MS4A12: variants seen among roughly 807,000 people sequenced by gnomAD.
MS4A12 encodes membrane-spanning 4-domains subfamily A member 12.
Under a neutral mutation model 23.7 loss-of-function variants are expected in MS4A12, and 28 were observed. The ratio of observed to expected loss-of-function variants is 1.18; its 90% CI spans 0.88 to 1.62. The LOEUF (loss-of-function observed/expected upper bound fraction) is 1.62. MS4A12 is among the 40% of genes most tolerant of loss of function. The pLI, the probability that MS4A12 is intolerant of heterozygous loss-of-function variation, is 0.00. For missense variants in MS4A12, 342 were observed against 327.0 expected (o/e 1.05, Z -0.35); for synonymous variants, 108 against 110.1 (o/e 0.98, Z 0.12).
intron 3 of MS4A12, 50 bp downstream of exon 3, chr11:60,501,232 C>A: frequency 6.6e-7 from 1 of 1,519,154 alleles, no homozygotes; most frequent in Non-Finnish European, 8.8e-7. Flanking sequence ...AAAGTATTCC[C>A]TCTTGGTTTA....
intron 4 of MS4A12, 80 bp downstream of exon 4, chr11:60,502,119 T>C (rs1225374040): frequency 7.0e-7 from 1 of 1,421,390 alleles, no homozygotes; most frequent in Non-Finnish European, 9.8e-7. Context: ...AAAAGCTGGA[T>C]TTGGGAAATG....
chr11:60,505,653 G>A (rs1180812783), intron 5 of MS4A12, among the ~76,000 whole-genome samples: 2 of 152,044 alleles, frequency 1.3e-5, no homozygotes, highest in Admixed American at 6.5e-5. Flanking sequence ...GGAAAGAAGG[G>A]AAGCCAAAAA....
chr11:60,506,482 A>C (rs2086570445), intron 5 of MS4A12, among the ~76,000 whole-genome samples: 1 of 152,344 alleles, frequency 6.6e-6, no homozygotes, highest in South Asian at 2.1e-4. Context: ...AAGGAAAAAA[A>C]CTACCTTCTT....
intron 2 of MS4A12, chr11:60,497,838 A>G (rs1327811810): frequency 4.2e-6 from 2 of 471,096 alleles, no homozygotes; most frequent in African/African-American, 3.9e-5. Flanking sequence ...TTGACGTGAC[A>G]GAAGCACTGT....
rs917088183 is a variant in MS4A12 at position 60,492,824 on chromosome 11, A to G, written c.-11A>G. ...GAGGAAACATAGAGGTGCCAAAGGAACAAAGTAAGTCCATTGATACGTTCT... is the reference window on the plus strand; with the variant it reads ...GAGGAAACATAGAGGTGCCAAAGGAGCAAAGTAAGTCCATTGATACGTTCT... On this transcript the variant is annotated 5_prime_UTR_variant, in exon 1 of 7. Transcript: ENST00000016913. 6.6e-6 allele frequency: 1 copy of G among 152,248 alleles called. No homozygotes were observed. The highest frequency in any genetic ancestry group is 1.9e-4 in the East Asian group (1 of 5,206). 9.4% of individuals were successfully genotyped at this position (152,248 alleles called of 1,614,324 possible).
At chr11:60,500,960 A>T in intron 2 of MS4A12, 85 bp from the exon 3 acceptor site, 1 of 1,449,786 alleles carries the variant, frequency 6.9e-7, no homozygotes, top group Non-Finnish European at 9.3e-7. Context: ...AATTGACAAT[A>T]AATAAGCAGG....
intron 5 of MS4A12, among the ~76,000 whole-genome samples, chr11:60,506,331 G>C (rs2086569398): frequency 6.6e-6 from 1 of 151,976 alleles, no homozygotes; most frequent in Admixed American, 6.6e-5. Context: ...TGTACACAGA[G>C]AGCTAGGATA....
chr11:60,495,157 TA>T (rs1333017445), intron 1 of MS4A12, among the ~76,000 whole-genome samples: 1 of 97,806 alleles, frequency 1.0e-5, no homozygotes, highest in African/African-American at 4.1e-5. Flanking sequence ...TACACCCGGC[TA>T]ATTTTTTTTT....
chr11:60,506,946 C>A, intron 6 of MS4A12, 74 bp from the exon 7 acceptor site: 1 of 1,523,234 alleles, frequency 6.6e-7, no homozygotes, highest in Non-Finnish European at 9.1e-7. Context: ...CTTTGTCCTT[C>A]ACTCTGATGG....
chr11:60,502,016 T>A lies in MS4A12; in HGVS notation c.448T>A (p.Ser150Thr). 1 of 1,613,174 alleles carries A rather than the reference T, an allele frequency of 6.2e-7. No homozygotes were observed. Among genetic ancestry groups the A allele is most frequent in the South Asian group, 1.1e-5 (1 of 91,048 alleles). ...IISGSLSVSA[S>T]KELSRCLVKG... ...CTCTGGCTCTCTCTCTGTGTCAGCATCCAAGGAGCTTTCCCGTTGTCTGGT... is the reference window on the plus strand; with the variant it reads ...CTCTGGCTCTCTCTCTGTGTCAGCAACCAAGGAGCTTTCCCGTTGTCTGGT... Residue 150 changes from serine (S) to threonine (T), a missense_variant, in exon 4 of 7, where the codon TCC (serine) becomes ACC (threonine). Coordinates refer to ENST00000016913, the MANE Select transcript of MS4A12 (RefSeq NM_017716.3).
At chr11:60,499,744 G>T (rs1029900232) in intron 2 of MS4A12, among the ~76,000 whole-genome samples, 1 of 152,134 alleles carries the variant, frequency 6.6e-6, no homozygotes, top group African/African-American at 2.4e-5. Flanking sequence ...TGTATTTGCA[G>T]TCTCCCTGGA....
intron 2 of MS4A12, among the ~76,000 whole-genome samples, chr11:60,498,687 A>T (rs2135229260): frequency 6.6e-6 from 1 of 152,352 alleles, no homozygotes; most frequent in South Asian, 2.1e-4. Flanking sequence ...AATGATATAG[A>T]CAAAACAAAG....
rs928053801 is a variant in MS4A12 at position 60,505,466 on chromosome 11, G to A, written c.589-1262G>A. The stretch of plus-strand genomic sequence containing the variant: ...AGCTTCTCGGTAAATAAGGCAGAGT[G>A]AAGCAAGAACAAAATTCACCCTCCA... On this transcript the variant is annotated intron_variant, in intron 5 of 6. Coordinates refer to ENST00000016913, the MANE Select transcript of MS4A12 (RefSeq NM_017716.3). Among the ~76,000 whole-genome samples the A allele has an allele frequency of 4.6e-5, 7 of 151,856 alleles. No homozygotes were observed. In the East Asian group the frequency reaches 1.4e-3, roughly 29 times the overall value.
chr11:60,502,725 C>T (rs760802285), intron 4 of MS4A12, among the ~76,000 whole-genome samples: 23 of 151,984 alleles, frequency 1.5e-4, no homozygotes, highest in Non-Finnish European at 2.6e-4. Flanking sequence ...GAAAGAAGAA[C>T]GGGGAAAGAG....
chr11:60,496,999 A>T (rs2086491991), intron 1 of MS4A12, among the ~76,000 whole-genome samples: 1 of 152,228 alleles, frequency 6.6e-6, no homozygotes, highest in Admixed American at 6.5e-5. Flanking sequence ...TGCAGTTCAC[A>T]GTAGGGTTCA....
chr11:60,494,995 CAT>C (rs2086477032), intron 1 of MS4A12, among the ~76,000 whole-genome samples: 1 of 117,150 alleles, frequency 8.5e-6, no homozygotes, highest in East Asian at 2.8e-4. Context: ...AATGTGTTTA[CAT>C]TTTTTTTTTT....
chr11:60,506,917 A>C (rs1590864811), intron 6 of MS4A12, 79 bp downstream of exon 6: 1 of 1,532,780 alleles, frequency 6.5e-7, no homozygotes. Context: ...AAATCCTACT[A>C]TCGGCTTACC....
At chr11:60,495,554 T>G (rs1226903621) in intron 1 of MS4A12, among the ~76,000 whole-genome samples, 1 of 152,022 alleles carries the variant, frequency 6.6e-6, no homozygotes, top group African/African-American at 2.4e-5. Context: ...CAATTCCACA[T>G]ACTTTGCAGA....
rs1213572159 is a variant in MS4A12 at position 60,507,000 on chromosome 11, T to C, written c.700-20T>C. 1.3e-6 allele frequency: 2 copies of C among 1,593,960 alleles called. No individual in the cohort carries two copies. The highest frequency in any genetic ancestry group is 1.3e-5 in the African/African-American group (1 of 74,434). ...AGGATTGTAGTAACCATATTGCTTG[T>C]TTTTATTCATTCTTTCCAGTCTGTC... On this transcript the variant is annotated intron_variant, in intron 6 of 6. Coordinates refer to ENST00000016913, the MANE Select transcript of MS4A12 (RefSeq NM_017716.3).
Sources: allele counts gnomAD v4.1 joint callset (sites outside exome capture counted in the v4.1 genomes callset), GRCh38; gene constraint gnomAD v4.1.1; transcripts MANE v1.5; gene names NCBI Gene and HGNC (gene_info 2026-07-23, HGNC 2026-07-21).